Variants in TAS2R19 observed in about 807,000 individuals in gnomAD.
The protein encoded by TAS2R19 is taste 2 receptor member 19, also known as taste receptor type 2 member 19.
For synonymous variants in TAS2R19, 108 were observed against 123.4 expected, an observed-to-expected ratio of 0.87 and a Z score of 0.83; for missense variants, 336 against 342.4, an observed-to-expected ratio of 0.98 and a Z score of 0.15.
At position 11,022,322 on chromosome 12, in the gene TAS2R19, C is replaced by T. The variant is rs769247689; in HGVS notation, c.250G>A (p.Ala84Thr). 3.8e-6 allele frequency: 6 copies of T among 1,582,670 alleles called. No individual in the cohort carries two copies. In the African/African-American group the frequency reaches 7.2e-5, roughly 19 times the overall value. The change falls in exon 1 of 1, where the codon GCT (alanine) becomes ACT (threonine). Residue 84 changes from alanine (A) to threonine (T), a missense_variant. Coordinates refer to ENST00000390673, the MANE Select transcript of TAS2R19 (RefSeq NM_176888.2). ...TTCGTTACAGCCCAGGCATTAGAAG[C>T]AACAATTCTTACTTCTAAACCATAT... ...ALYGLEVRIV[A>T]SNAWAVTNHF... is the part of the protein sequence containing the mutation.
Position 11,022,237 on chromosome 12 carries a change from T to C in TAS2R19, c.335A>G (p.Asn112Ser), listed in dbSNP as rs776007129. 9.9e-6 allele frequency: 16 copies of C among 1,614,038 alleles called. No homozygotes were observed. The East Asian group carries it at 2.0e-4, about 20-fold the overall frequency. ...LSIFCLLKIA[N>S]FSNLISLHLK... ...GTGGAGAGAAATAAGGTTGGAGAAA[T>C]TGGCAATCTTGAGCAAACAAAATAT... Residue 112 changes from asparagine to serine, a missense_variant, in exon 1 of 1, where the codon AAT becomes AGT. By Grantham distance (46) the Asn-to-Ser change is conservative. Transcript: ENST00000390673.
chr12:11,022,436 G>A, the TAS2R19 span: 1 of 1,614,180 alleles, frequency 6.2e-7, no homozygotes, highest in South Asian at 1.1e-5. Context: ...GTGAGAATTT[G>A]CTCAGCTGAG....
chr12:11,021,728 C>G lies in TAS2R19; in HGVS notation c.844G>C (p.Gly282Arg). The change falls in exon 1 of 1, where the codon GGA (glycine) becomes CGA (arginine). Residue 282 changes from glycine to arginine, a missense_variant. Transcript: ENST00000390673. ...PSFHSFILIM[G>R]SRKLKQTFLS... is the part of the protein sequence containing the mutation. ...AAGGTCTGTTTTAGCTTCCTACTTC[C>G]CATAATCAGGATGAATGAGTGGAAT... The G allele has an allele frequency of 6.6e-7, 1 of 1,513,218 alleles. No homozygotes were observed. Among genetic ancestry groups the G allele is most frequent in the Non-Finnish European group, 9.0e-7 (1 of 1,111,968 alleles). 93.7% of individuals were successfully genotyped at this position (1,513,218 alleles called of 1,614,324 possible).
Position 11,022,179 on chromosome 12 carries a change from C to G in TAS2R19, c.393G>C (p.Val131=). The G allele has an allele frequency of 1.9e-6, 3 of 1,614,020 alleles. No individual in the cohort carries two copies. Among genetic ancestry groups the G allele is most frequent in the Non-Finnish European group, 1.7e-6 (2 of 1,179,916 alleles). ...GAAATACCAAGGGCCCCAACAGTAT[C>G]ACCAGAACAACACTCTTAATTCTCT... ...LKKRIKSVVL[V]ILLGPLVFLI... Residue 131 remains valine, a synonymous_variant, in exon 1 of 1, where the codon GTG becomes GTC. Transcript: ENST00000390673.
rs1403255426 is a variant in TAS2R19 at position 11,022,222 on chromosome 12, A to G, written c.350T>C (p.Ile117Thr). ...AATTCTCTTCTTTAGGTGGAGAGAA[A>G]TAAGGTTGGAGAAATTGGCAATCTT... Reference protein sequence around the residue: ...LLKIANFSNLISLHLKKRIKS... With the variant: ...LLKIANFSNLTSLHLKKRIKS... Residue 117 changes from isoleucine to threonine, a missense_variant, in exon 1 of 1, where the codon ATT (isoleucine) becomes ACT (threonine). Physicochemically the swap from Ile to Thr is moderately conservative, Grantham distance 89. Coordinates refer to ENST00000390673, the MANE Select transcript of TAS2R19 (RefSeq NM_176888.2). 4.3e-6 allele frequency: 7 copies of G among 1,613,976 alleles called. 1 individual carries two copies. The highest frequency in any genetic ancestry group is 4.0e-5 in the African/African-American group (3 of 74,944).
chr12:11,022,080 C>T, the TAS2R19 span: 2 of 1,613,918 alleles, frequency 1.2e-6, no homozygotes, highest in East Asian at 2.2e-5. Context: ...ATTTGATCTT[C>T]CAAGTCACAT....
At position 11,022,124 on chromosome 12, in the gene TAS2R19, C is replaced by T. The variant is rs376656728; in HGVS notation, c.448G>A (p.Asp150Asn). 17 of 1,613,762 alleles carry T rather than the reference C, an allele frequency of 1.1e-5. 1 individual carries two copies. Among genetic ancestry groups the T allele is most frequent in the Middle Eastern group, 3.3e-4 (2 of 6,058 alleles). Residue 150 changes from aspartate (D) to asparagine (N), a missense_variant, in exon 1 of 1, where the codon GAT becomes AAT. Asp to Asn is a conservative substitution (Grantham distance 23, BLOSUM62 1). Transcript: ENST00000390673. ...TATTCTTTTGTCCACACTCTCTCAT[C>T]CATGGTTATCACAGCAAGATTACAA... ...LICNLAVITM[D>N]ERVWTKEYEG...
chr12:11,021,619 C>T lies in TAS2R19; in HGVS notation c.*53G>A, dbSNP rs1941632578. The stretch of plus-strand genomic sequence containing the variant: ...CATCAGTTTGTTTTCTGCTAGAAGA[C>T]CCACGATGCTCCCCTTGTGAATCTA... On this transcript the variant is annotated 3_prime_UTR_variant, in exon 1 of 1. Transcript: ENST00000390673. 2 of 1,460,604 alleles carry T rather than the reference C, an allele frequency of 1.4e-6. No homozygotes were observed. Among genetic ancestry groups the T allele is most frequent in the African/African-American group, 1.4e-5 (1 of 71,264 alleles). 90.5% of individuals were successfully genotyped at this position (1,460,604 alleles called of 1,614,324 possible).
the TAS2R19 span, chr12:11,022,457 G>A: frequency 2.0e-5 from 33 of 1,613,934 alleles, no homozygotes; most frequent in African/African-American, 1.3e-4. Flanking sequence ...GAGATCTTTC[G>A]TGTGTTAACC....
chr12:11,022,565 A>G lies in TAS2R19; in HGVS notation c.7T>C (p.Cys3Arg). The G allele has an allele frequency of 1.2e-6, 2 of 1,606,558 alleles. No individual in the cohort carries two copies. The highest frequency in any genetic ancestry group is 1.7e-6 in the Non-Finnish European group (2 of 1,176,546). The change falls in exon 1 of 1, where the codon TGT becomes CGT. Residue 3 changes from cysteine (C) to arginine (R), a missense_variant. By Grantham distance (180) the Cys-to-Arg change is radical. Coordinates refer to ENST00000390673, the MANE Select transcript of TAS2R19 (RefSeq NM_176888.2). ...ATTGATGAAATGATGAGCAGAAAAC[A>G]CATCATGTTTGAACAGATAAAAAAA... MMCFLLIISSILV... is the reference protein window; with the variant it reads MMRFLLIISSILV...
Position 11,022,489 on chromosome 12 carries a change from G to A in TAS2R19, c.83C>T (p.Ala28Val), listed in dbSNP as rs756166076. 1.9e-6 allele frequency: 3 copies of A among 1,613,258 alleles called. No homozygotes were observed. Among genetic ancestry groups the A allele is most frequent in the Admixed American group, 1.7e-5 (1 of 60,000 alleles). The change falls in exon 1 of 1, where the codon GCC (alanine) becomes GTC (valine). Residue 28 changes from alanine to valine, a missense_variant. By Grantham distance (64) the Ala-to-Val change is moderately conservative. Transcript: ENST00000390673. ...AACCCAGTCAATGACATTTACTAGG[G>A]CTATGAAGCCATTGGCAACATTTCC... ...VLGNVANGFIALVNVIDWVNT... is the reference protein window; with the variant it reads ...VLGNVANGFIVLVNVIDWVNT...
rs760257660 is a variant in TAS2R19, at chr12:11,022,333, A to T, written c.239T>A (p.Val80Glu). The T allele has an allele frequency of 5.1e-5, 83 of 1,613,798 alleles. No individual in the cohort carries two copies. Among genetic ancestry groups the T allele is most frequent in the Non-Finnish European group, 6.5e-5 (77 of 1,179,734 alleles). Residue 80 changes from valine to glutamate, a missense_variant, in exon 1 of 1, where the codon GTA becomes GAA. Val to Glu is a moderately radical substitution (Grantham distance 121). Coordinates refer to ENST00000390673, the MANE Select transcript of TAS2R19 (RefSeq NM_176888.2). ...VFNSALYGLE[V>E]RIVASNAWAV... Reference sequence around the variant, plus strand: ...CCAGGCATTAGAAGCAACAATTCTTACTTCTAAACCATATAAAGCAGAATT... The same window carrying T: ...CCAGGCATTAGAAGCAACAATTCTTTCTTCTAAACCATATAAAGCAGAATT...
Position 11,022,388 on chromosome 12 carries a change from T to A in TAS2R19, c.184A>T (p.Met62Leu), listed in dbSNP as rs1941696211. The A allele has an allele frequency of 3.8e-6, 6 of 1,589,384 alleles. No individual in the cohort carries two copies. The highest frequency in any genetic ancestry group is 3.5e-5 in the Admixed American group (2 of 56,880). The change falls in exon 1 of 1, where the codon ATG becomes TTG. Residue 62 changes from methionine (M) to leucine (L), a missense_variant. Coordinates refer to ENST00000390673, the MANE Select transcript of TAS2R19 (RefSeq NM_176888.2). The stretch of plus-strand genomic sequence containing the variant: ...ACAGTTGCATACCAAAGGAATAACA[T>A]GACCCAGAGTAAACCAATTCTGGAG... ...VVSRIGLLWVMLFLWYATVFN... is the reference protein window; with the variant it reads ...VVSRIGLLWVLLFLWYATVFN...
Position 11,022,611 on chromosome 12 carries a change from T to A in TAS2R19, c.-40A>T. On this transcript the variant is annotated 5_prime_UTR_variant, in exon 1 of 1. Coordinates refer to ENST00000390673, the MANE Select transcript of TAS2R19 (RefSeq NM_176888.2). ...AAAAATGCAGGCTTAGTAACACTTG[T>A]TCTGAGTCCTTTAACATCCAGATGT... 1 of 1,416,330 alleles carries A rather than the reference T, an allele frequency of 7.1e-7. No individual in the cohort carries two copies. Among genetic ancestry groups the A allele is most frequent in the Non-Finnish European group, 9.6e-7 (1 of 1,036,892 alleles). The allele number at this position is 1,416,330 out of a possible 1,614,324, so 87.7% of individuals were successfully genotyped here.
In TAS2R19 at chr12:11,022,527, A is replaced by G; in HGVS notation, c.45T>C (p.Phe15=). 1 of 1,613,594 alleles carries G rather than the reference A, an allele frequency of 6.2e-7. No individual in the cohort carries two copies. The highest frequency in any genetic ancestry group is 8.5e-7 in the Non-Finnish European group (1 of 1,179,848). The part of the protein sequence containing the change: ...LLIISSILVV[F]AFVLGNVANG... ...TGGCAACATTTCCAAGAACAAATGC[A>G]AACACTACCAGAATTGATGAAATGA... The change falls in exon 1 of 1, where the codon TTT becomes TTC. Residue 15 remains phenylalanine, a synonymous_variant. Coordinates refer to ENST00000390673, the MANE Select transcript of TAS2R19 (RefSeq NM_176888.2).
Position 11,021,638 on chromosome 12 carries a change from G to A in TAS2R19, c.*34C>T. 1 of 1,569,864 alleles carries A rather than the reference G, an allele frequency of 6.4e-7. No homozygotes were observed. Among genetic ancestry groups the A allele is most frequent in the Middle Eastern group, 1.7e-4 (1 of 5,882 alleles). Reference sequence around the variant, plus strand: ...AGAAGACCCACGATGCTCCCCTTGTGAATCTATGGAGTTGAGGGTTTCTCT... The same window carrying A: ...AGAAGACCCACGATGCTCCCCTTGTAAATCTATGGAGTTGAGGGTTTCTCT... On this transcript the variant is annotated 3_prime_UTR_variant, in exon 1 of 1. Coordinates refer to ENST00000390673, the MANE Select transcript of TAS2R19 (RefSeq NM_176888.2).
In TAS2R19 at chr12:11,021,716, G is replaced by C; in HGVS notation, c.856C>G (p.Leu286Val). ...AAAACTGAAAGAAAGGTCTGTTTTA[G>C]CTTCCTACTTCCCATAATCAGGATG... ...SFILIMGSRK[L>V]KQTFLSVLWQ... Residue 286 changes from leucine (L) to valine (V), a missense_variant, in exon 1 of 1, where the codon CTA becomes GTA. Leu to Val is a conservative substitution (Grantham distance 32). Coordinates refer to ENST00000390673, the MANE Select transcript of TAS2R19 (RefSeq NM_176888.2). The C allele has an allele frequency of 6.2e-7, 1 of 1,613,924 alleles. No individual in the cohort carries two copies.
rs1224555768 is a variant in TAS2R19, at chr12:11,022,167, C to A, written c.405G>T (p.Gly135=). ...GATTACAAATCAGAAATACCAAGGGCCCCAACAGTATCACCAGAACAACAC... is the reference window on the plus strand; with the variant it reads ...GATTACAAATCAGAAATACCAAGGGACCCAACAGTATCACCAGAACAACAC... The part of the protein sequence containing the change: ...IKSVVLVILL[G]PLVFLICNLA... The change falls in exon 1 of 1, where the codon GGG becomes GGT. Residue 135 remains glycine, a synonymous_variant. Coordinates refer to ENST00000390673, the MANE Select transcript of TAS2R19 (RefSeq NM_176888.2). 28 of 1,613,958 alleles carry A rather than the reference C, an allele frequency of 1.7e-5. No individual in the cohort carries two copies. In the East Asian group the frequency reaches 1.8e-4, roughly 10 times the overall value.
rs1260708579 is a variant in TAS2R19 at position 11,021,825 on chromosome 12, A to G, written c.747T>C (p.Thr249=). 2.5e-6 allele frequency: 4 copies of G among 1,614,274 alleles called. No homozygotes were observed. The highest frequency in any genetic ancestry group is 2.7e-5 in the African/African-American group (2 of 75,084). The change falls in exon 1 of 1, where the codon ACT becomes ACC. Residue 249 remains threonine, a synonymous_variant. Coordinates refer to ENST00000390673, the MANE Select transcript of TAS2R19 (RefSeq NM_176888.2). Reference sequence around the variant, plus strand: ...TGCTCTGCTGTGTCCTAAGATTCCAAGTTGATGTGATTATACACAGAAAGT... The same window carrying G: ...TGCTCTGCTGTGTCCTAAGATTCCAGGTTGATGTGATTATACACAGAAAGT... ...AIYFLCIITS[T]WNLRTQQSKL... is the part of the protein sequence containing the mutation.
Sources: allele counts gnomAD v4.1 joint callset, GRCh38; gene constraint gnomAD v4.1.1; transcripts MANE v1.5; gene names NCBI Gene and HGNC (gene_info 2026-07-23, HGNC 2026-07-21).